The following DENND1A variants were observed in gnomAD, a reference collection of about 807,000 sequenced individuals.
DENND1A encodes the protein DENN domain-containing protein 1A.
DENND1A carries 51 observed loss-of-function variants against 113.7 expected under a neutral mutation model. That is an observed-to-expected ratio of 0.45 (90% CI 0.36 to 0.57). The LOEUF (loss-of-function observed/expected upper bound fraction) is 0.57. DENND1A is among the 20% of genes least tolerant of loss of function. The pLI, the probability that DENND1A is intolerant of heterozygous loss-of-function variation, is 0.00. For missense variants in DENND1A, 1,258 were observed against 1,395.9 expected, an observed-to-expected ratio of 0.90 and a Z score of 1.57; for synonymous variants, 565 against 570.8, an observed-to-expected ratio of 0.99 and a Z score of 0.14.
chr9:123,847,881 C>T (rs931346492), intron 2 of DENND1A, among the ~76,000 whole-genome samples: 1 of 152,072 alleles, frequency 6.6e-6, no homozygotes, highest in Admixed American at 6.6e-5. Context: ...TTGCAGTGAG[C>T]CGAGATAGCC....
intron 3 of DENND1A, among the ~76,000 whole-genome samples, chr9:123,782,422 T>C (rs972590924): frequency 6.6e-6 from 1 of 152,240 alleles, no homozygotes; most frequent in Non-Finnish European, 1.5e-5. Flanking sequence ...TGGTTTGTCC[T>C]ACCTAGCTTA....
At chr9:123,401,896 G>C in intron 21 of DENND1A, 1 of 1,614,174 alleles carries the variant, frequency 6.2e-7, no homozygotes, top group Non-Finnish European at 8.5e-7. Flanking sequence ...AGTGTAGCTG[G>C]TGTTGCAATG....
chr9:123,902,194 C>CACACAA (rs1851772396), intron 1 of DENND1A, among the ~76,000 whole-genome samples: 1 of 151,284 alleles, frequency 6.6e-6, no homozygotes, highest in African/African-American at 2.4e-5. Context: ...CACACACACA[C>CACACAA]ACACACACAC....
intron 13 of DENND1A, among the ~76,000 whole-genome samples, chr9:123,516,694 T>C (rs1460867557): frequency 1.3e-5 from 2 of 151,808 alleles, no homozygotes; most frequent in African/African-American, 2.4e-5. Flanking sequence ...GAGACTATCC[T>C]GGCCAACATG....
chr9:123,554,428 G>T (rs1318410267), intron 13 of DENND1A, among the ~76,000 whole-genome samples: 3 of 152,126 alleles, frequency 2.0e-5, no homozygotes, highest in African/African-American at 7.2e-5. Flanking sequence ...TGTTGCCCAG[G>T]CTGGTCTTAA....
rs777767950 is a variant in DENND1A at position 123,596,541 on chromosome 9, GA to G, written c.765+12894del. On this transcript the variant is annotated intron_variant, in intron 11 of 23. Transcript: ENST00000394215. ...GTACAGTAATTTGCCCCAGATCATAGAGTATCAGAGTTAAGATTTGAGCTTG... is the reference window on the plus strand; with the variant it reads ...GTACAGTAATTTGCCCCAGATCATAGGTATCAGAGTTAAGATTTGAGCTTG... 6.4e-4 allele frequency among the ~76,000 whole-genome samples: 98 copies of G among 152,272 alleles called. 1 individual carries two copies. Among genetic ancestry groups the G allele is most frequent in the Middle Eastern group, 3.4e-3 (1 of 294 alleles).
intron 20 of DENND1A, among the ~76,000 whole-genome samples, chr9:123,406,189 C>T (rs569165739): frequency 1.3e-5 from 2 of 152,346 alleles, no homozygotes; most frequent in East Asian, 1.9e-4. Flanking sequence ...CTCAGGTCTG[C>T]GCACGTCTGA....
At chr9:123,498,791 C>G (rs1401182216) in intron 13 of DENND1A, among the ~76,000 whole-genome samples, 4 of 151,660 alleles carry the variant, frequency 2.6e-5, no homozygotes, top group Admixed American at 2.6e-4. Flanking sequence ...GGCGTGATCT[C>G]GGCTCATTGC....
intron 19 of DENND1A, among the ~76,000 whole-genome samples, chr9:123,412,982 G>C (rs1038096839): frequency 2.6e-5 from 4 of 152,184 alleles, no homozygotes; most frequent in Non-Finnish European, 5.9e-5. Context: ...TCAGGAGTTC[G>C]AGACCAGCCT....
intron 12 of DENND1A, among the ~76,000 whole-genome samples, chr9:123,560,467 G>A (rs1475022441): frequency 2.6e-5 from 4 of 152,114 alleles, no homozygotes; most frequent in African/African-American, 7.2e-5. Flanking sequence ...CAGGAGGATC[G>A]TTTGAGGCCA....
At chr9:123,674,841 CT>C (rs11327678) in intron 6 of DENND1A, among the ~76,000 whole-genome samples, 57,931 of 132,132 alleles carry the variant, frequency 0.44, 13,041 homozygotes, top group African/African-American at 0.7. Flanking sequence ...GTTTTTTTCT[CT>C]TTTTTTTTTT....
intron 2 of DENND1A, among the ~76,000 whole-genome samples, chr9:123,847,531 G>C (rs1407683404): frequency 6.6e-6 from 1 of 152,126 alleles, no homozygotes; most frequent in Non-Finnish European, 1.5e-5. Context: ...GTTAGAATAA[G>C]GACATCTTCA....
chr9:123,614,402 G>A (rs532802551), intron 10 of DENND1A, among the ~76,000 whole-genome samples: 6 of 152,286 alleles, frequency 3.9e-5, no homozygotes, highest in African/African-American at 1.2e-4. Context: ...TCCCAGCAAG[G>A]AAGAAGCAAG....
At chr9:123,460,748 G>A (rs1022147729) in intron 13 of DENND1A, among the ~76,000 whole-genome samples, 4 of 152,140 alleles carry the variant, frequency 2.6e-5, no homozygotes, top group African/African-American at 9.7e-5. Context: ...CTCCTGTTTC[G>A]TCCCTCTTCT....
intron 13 of DENND1A, among the ~76,000 whole-genome samples, chr9:123,469,389 T>C (rs2049211864): frequency 6.6e-6 from 1 of 152,268 alleles, no homozygotes; most frequent in African/African-American, 2.4e-5. Flanking sequence ...TTGCCCATTC[T>C]GGCCGGCCGC....
intron 13 of DENND1A, among the ~76,000 whole-genome samples, chr9:123,494,353 C>T (rs533129799): frequency 2.0e-5 from 3 of 152,228 alleles, no homozygotes; most frequent in South Asian, 2.1e-4. Flanking sequence ...GGAATACACC[C>T]GCACCCTCTT....
At chr9:123,425,883 A>G (rs1025143761) in intron 19 of DENND1A, among the ~76,000 whole-genome samples, 1 of 152,222 alleles carries the variant, frequency 6.6e-6, no homozygotes, top group East Asian at 1.9e-4. Flanking sequence ...ACAGAAGAGG[A>G]AAATCATTCC....
At chr9:123,748,003 C>T (rs1377962484) in intron 5 of DENND1A, among the ~76,000 whole-genome samples, 1 of 151,872 alleles carries the variant, frequency 6.6e-6, no homozygotes, top group African/African-American at 2.4e-5. Flanking sequence ...TAAAAAAATA[C>T]CAAGTAGTTA....
chr9:123,634,318 A>T (rs1209953520), intron 9 of DENND1A, among the ~76,000 whole-genome samples: 12 of 152,234 alleles, frequency 7.9e-5, no homozygotes, highest in African/African-American at 2.2e-4. Flanking sequence ...TGCATTACTC[A>T]TTTGATTAAG....
Sources: gnomAD v4.1 joint callset for allele counts (sites outside exome capture counted in the v4.1 genomes callset) on GRCh38, gnomAD v4.1.1 for gene constraint, MANE v1.5 for transcripts, NCBI Gene and HGNC (gene_info 2026-07-23, HGNC 2026-07-21) for gene names.